The following SMTNL2 variants were observed in gnomAD, a reference collection of about 807,000 sequenced individuals.
The protein encoded by SMTNL2 is smoothelin like 2.
A neutral mutation model predicts 44.1 loss-of-function variants in SMTNL2; 43 were observed. The observed-to-expected ratio is 0.98, with a 90% CI of 0.76 to 1.26. SMTNL2 has a LOEUF of 1.26. Ranked by LOEUF, SMTNL2 falls within the 50% of genes most tolerant of loss-of-function variation. SMTNL2 has a pLI of 0.00. For missense variants in SMTNL2, 646 were observed against 670.2 expected (o/e 0.96, Z 0.40); for synonymous variants, 317 against 287.6 (o/e 1.10, Z -1.03).
rs916931095 is a variant in SMTNL2, at chr17:4,598,862, G to C, written c.1259+1539G>C. Among the ~76,000 whole-genome samples the C allele has an allele frequency of 6.6e-6, 1 of 151,418 alleles. No homozygotes were observed. The highest frequency in any genetic ancestry group is 1.5e-5 in the Non-Finnish European group (1 of 67,924). Reference sequence around the variant, plus strand: ...AAAGTGGTCCTCATGGGCTTGTTGGGTTAAAGGAGCCTCACCCCAGGCCTC... The same window carrying C: ...AAAGTGGTCCTCATGGGCTTGTTGGCTTAAAGGAGCCTCACCCCAGGCCTC... On this transcript the variant is annotated intron_variant, in intron 7 of 7. Coordinates refer to ENST00000389313, the MANE Select transcript of SMTNL2 (RefSeq NM_001114974.2). This position sits in a 1 kb window ranked among gnomAD's most constrained non-coding sequence, Gnocchi z 4.8.
intron 1 of SMTNL2, among the ~76,000 whole-genome samples, chr17:4,588,675 C>T (rs888046931): frequency 1.3e-4 from 20 of 152,342 alleles, no homozygotes; most frequent in Admixed American, 5.2e-4. Flanking sequence ...CCCAGTCCCC[C>T]GCCTTTTCCT....
intron 5 of SMTNL2, among the ~76,000 whole-genome samples, chr17:4,596,467 G>T (rs12602726): frequency 0.082 from 12,502 of 152,306 alleles, 645 homozygotes; most frequent in South Asian, 0.14. Context: ...TAAGAGGGGA[G>T]CTCAGAAGGA....
At position 4,607,302 on chromosome 17, in the gene SMTNL2, C is replaced by G; in HGVS notation, c.1260-59C>G. The G allele has an allele frequency of 6.3e-7, 1 of 1,598,830 alleles. No individual in the cohort carries two copies. The highest frequency in any genetic ancestry group is 8.5e-7 in the Non-Finnish European group (1 of 1,172,310). ...CGGGACCGAGACACCGGCCCTGTCG[C>G]GGCTGTGGGGCTGGCTGATGGCTGG... On this transcript the variant is annotated intron_variant, in intron 7 of 7. Transcript: ENST00000389313. The surrounding 1 kb of genome is among the most constrained non-coding windows in gnomAD (Gnocchi z 4.7).
chr17:4,588,922 C>T (rs1275913262), intron 1 of SMTNL2, among the ~76,000 whole-genome samples: 2 of 152,212 alleles, frequency 1.3e-5, no homozygotes, highest in Non-Finnish European at 2.9e-5. Context: ...TTGCTTTCCC[C>T]ATCTGTGTGA....
rs1910354439 is a variant in SMTNL2, at chr17:4,608,020, T to G, written c.*533T>G. On this transcript the variant is annotated 3_prime_UTR_variant, in exon 8 of 8. Coordinates refer to ENST00000389313, the MANE Select transcript of SMTNL2 (RefSeq NM_001114974.2). Reference sequence around the variant, plus strand: ...CCTCAAGTCTTGGGAAGAAACAGTTTAATCACTCCCAAGTCCTGGGCAACA... The same window carrying G: ...CCTCAAGTCTTGGGAAGAAACAGTTGAATCACTCCCAAGTCCTGGGCAACA... The G allele has an allele frequency of 6.6e-6, 1 of 152,282 alleles. No individual in the cohort carries two copies. Among genetic ancestry groups the G allele is most frequent in the Non-Finnish European group, 1.5e-5 (1 of 68,162 alleles). 9.4% of individuals were successfully genotyped at this position (152,282 alleles called of 1,614,324 possible).
Position 4,584,987 on chromosome 17 carries a change from C to T in SMTNL2, c.382C>T (p.Leu128=). ...CTTCGCCAGCCACGCCACCTTCTCG[C>T]TGTCCGGCCGCGGCCAGGTGAGCCC... The part of the protein sequence containing the change: ...ARFASHATFS[L]SGRGQSLDHD... The change falls in exon 1 of 8, where the codon CTG becomes TTG. Residue 128 remains leucine (L), a synonymous_variant. Transcript: ENST00000389313. The T allele has an allele frequency of 7.3e-7, 1 of 1,374,160 alleles. No individual in the cohort carries two copies. Among genetic ancestry groups the T allele is most frequent in the Non-Finnish European group, 9.4e-7 (1 of 1,065,502 alleles). The allele number at this position is 1,374,160 out of a possible 1,614,324, so 85.1% of individuals were successfully genotyped here. A position where few individuals can be genotyped will look rare whatever the true frequency, so the allele number is the denominator to read the frequency against.
chr17:4,587,497 C>T (rs757830449), intron 1 of SMTNL2, among the ~76,000 whole-genome samples: 3 of 152,152 alleles, frequency 2.0e-5, no homozygotes, highest in Non-Finnish European at 4.4e-5. Flanking sequence ...CTCAAGGAGC[C>T]GGGGCTCAGG....
At chr17:4,587,355 C>T (rs1048270907) in intron 1 of SMTNL2, among the ~76,000 whole-genome samples, 1 of 152,232 alleles carries the variant, frequency 6.6e-6, no homozygotes, top group Non-Finnish European at 1.5e-5. Context: ...CTCTTGCTGT[C>T]CTCCGTCTCA....
At chr17:4,590,747 C>A (rs866946137) in intron 1 of SMTNL2, among the ~76,000 whole-genome samples, 2 of 152,190 alleles carry the variant, frequency 1.3e-5, no homozygotes, top group Non-Finnish European at 2.9e-5. Context: ...CATCTCCCCT[C>A]CCCAGGTTCC....
intron 7 of SMTNL2, among the ~76,000 whole-genome samples, 172 bp downstream of exon 7, chr17:4,597,495 C>T (rs1197764081): frequency 6.6e-6 from 1 of 152,200 alleles, no homozygotes; most frequent in Non-Finnish European, 1.5e-5. Flanking sequence ...AGACTGAGGC[C>T]TGGAGAGGGA....
chr17:4,595,719 A>G lies in SMTNL2; in HGVS notation c.989+392A>G, dbSNP rs1180004553. 6.6e-6 allele frequency among the ~76,000 whole-genome samples: 1 copy of G among 152,226 alleles called. No homozygotes were observed. The highest frequency in any genetic ancestry group is 6.5e-5 in the Admixed American group (1 of 15,292). On this transcript the variant is annotated intron_variant, in intron 5 of 7. Coordinates refer to ENST00000389313, the MANE Select transcript of SMTNL2 (RefSeq NM_001114974.2). The surrounding 1 kb of genome is among the most constrained non-coding windows in gnomAD (Gnocchi z 5.1). The stretch of plus-strand genomic sequence containing the variant: ...TGGATGGGGACTGGGATTCCTGGCC[A>G]GAGCTGGGAGCCCCAGCATGGGGTT...
chr17:4,594,175 G>A (rs776737457), intron 4 of SMTNL2, among the ~76,000 whole-genome samples: 5 of 152,176 alleles, frequency 3.3e-5, no homozygotes, highest in South Asian at 4.1e-4. Context: ...GTGGCCGGGC[G>A]CGGTGGCTCA....
Position 4,592,811 on chromosome 17 carries a change from G to A in SMTNL2, c.488-118G>A. ...GGTCAGAGAGGCTGGAGCAGTCAGG[G>A]AGGCCTTCCTAGAGGAGGTGGGAGG... On this transcript the variant is annotated intron_variant, in intron 2 of 7. Coordinates refer to ENST00000389313, the MANE Select transcript of SMTNL2 (RefSeq NM_001114974.2). This position sits in a 1 kb window ranked among gnomAD's most constrained non-coding sequence, Gnocchi z 4.5. The A allele has an allele frequency of 7.2e-7, 1 of 1,383,146 alleles. No individual in the cohort carries two copies. The highest frequency in any genetic ancestry group is 9.8e-7 in the Non-Finnish European group (1 of 1,025,170). 85.7% of individuals were successfully genotyped at this position (1,383,146 alleles called of 1,614,324 possible). A position where few individuals can be genotyped will look rare whatever the true frequency, so the allele number is the denominator to read the frequency against.
Position 4,607,273 on chromosome 17 carries a change from T to C in SMTNL2, c.1260-88T>C. ...ACCTCTGGCTGCCGGCTGAGCTCTG[T>C]TCCCGGGACCGAGACACCGGCCCTG... On this transcript the variant is annotated intron_variant, in intron 7 of 7. Transcript: ENST00000389313. The surrounding 1 kb of genome is among the most constrained non-coding windows in gnomAD (Gnocchi z 4.7). 3 of 1,584,324 alleles carry C rather than the reference T, an allele frequency of 1.9e-6. No individual in the cohort carries two copies. The highest frequency in any genetic ancestry group is 1.7e-6 in the Non-Finnish European group (2 of 1,163,402).
At chr17:4,589,231 C>T (rs1909463037) in intron 1 of SMTNL2, among the ~76,000 whole-genome samples, 1 of 151,280 alleles carries the variant, frequency 6.6e-6, no homozygotes, top group Non-Finnish European at 1.5e-5. Flanking sequence ...CAGGCATCTG[C>T]GGAGGGCCTC....
intron 1 of SMTNL2, among the ~76,000 whole-genome samples, chr17:4,587,579 A>G (rs2150518291): frequency 6.6e-6 from 1 of 152,296 alleles, no homozygotes; most frequent in Non-Finnish European, 1.5e-5. Context: ...CTGACCTCTC[A>G]GACTTTGTGT....
chr17:4,596,478 G>T (rs1909820511), intron 5 of SMTNL2, among the ~76,000 whole-genome samples: 1 of 152,246 alleles, frequency 6.6e-6, no homozygotes, highest in African/African-American at 2.4e-5. Flanking sequence ...CTCAGAAGGA[G>T]GAGTGGGAGG....
At position 4,600,014 on chromosome 17, in the gene SMTNL2, G is replaced by T. The variant is rs559901255; in HGVS notation, c.1259+2691G>T. The stretch of plus-strand genomic sequence containing the variant: ...TGCTTTTCTGCTGACTCGAGGGCGT[G>T]GGGAGGGGCGTCCACCGCAGGCCTG... On this transcript the variant is annotated intron_variant, in intron 7 of 7. Coordinates refer to ENST00000389313, the MANE Select transcript of SMTNL2 (RefSeq NM_001114974.2). The surrounding 1 kb of genome is among the most constrained non-coding windows in gnomAD (Gnocchi z 4.7). Among the ~76,000 whole-genome samples, 3 of 152,220 alleles carry T rather than the reference G, an allele frequency of 2.0e-5. No individual in the cohort carries two copies. The South Asian group carries it at 6.2e-4, about 32-fold the overall frequency.
chr17:4,607,563 T>C lies in SMTNL2; in HGVS notation c.*76T>C, dbSNP rs1463128767. 7.0e-6 allele frequency: 11 copies of C among 1,578,652 alleles called. No homozygotes were observed. The highest frequency in any genetic ancestry group is 8.6e-6 in the Non-Finnish European group (10 of 1,158,908). On this transcript the variant is annotated 3_prime_UTR_variant, in exon 8 of 8. Coordinates refer to ENST00000389313, the MANE Select transcript of SMTNL2 (RefSeq NM_001114974.2). The surrounding 1 kb of genome is among the most constrained non-coding windows in gnomAD (Gnocchi z 4.7). The stretch of plus-strand genomic sequence containing the variant: ...TCCGCTTGCGATTCCCCAGCCAGGA[T>C]GCCCCCAGGAGCCTTGCCGTTTGGT...
Sources: allele counts gnomAD v4.1 joint callset (sites outside exome capture counted in the v4.1 genomes callset), GRCh38; gene constraint gnomAD v4.1.1; non-coding constraint Gnocchi (gnomAD v3.1); transcripts MANE v1.5; gene names NCBI Gene and HGNC (gene_info 2026-07-23, HGNC 2026-07-21).